The following ADAMTSL1 variants were observed in gnomAD, a reference collection of about 807,000 sequenced individuals.
ADAMTSL1 encodes ADAMTS like 1, also known as ADAMTS-like protein 1.
In ADAMTSL1, 126 loss-of-function variants were observed where a neutral mutation model predicts 201.8. The ratio of observed to expected loss-of-function variants is 0.62; its 90% CI spans 0.54 to 0.72. The LOEUF is 0.72. Ranked by LOEUF, ADAMTSL1 falls within the 30% of genes least tolerant of loss-of-function variation. ADAMTSL1 has a pLI of 0.00. For synonymous variants in ADAMTSL1, 1,121 were observed against 903.4 expected (o/e 1.24, Z -4.32); for missense variants, 2,679 against 2,277.8 (o/e 1.18, Z -3.59).
chr9:18,011,489 G>T (rs1287687723), intron 1 of ADAMTSL1, among the ~76,000 whole-genome samples: 4 of 151,964 alleles, frequency 2.6e-5, no homozygotes, highest in Non-Finnish European at 5.9e-5. Flanking sequence ...AACCGCCCCA[G>T]CACTGATGCT....
intron 2 of ADAMTSL1, among the ~76,000 whole-genome samples, chr9:18,225,637 G>T (rs946730427): frequency 6.6e-6 from 1 of 151,966 alleles, no homozygotes; most frequent in African/African-American, 2.4e-5. Flanking sequence ...ATAACCTTCA[G>T]TTATTCGCAT....
At chr9:18,395,480 ATTC>A (rs1295851268) in intron 2 of ADAMTSL1, among the ~76,000 whole-genome samples, 1 of 152,172 alleles carries the variant, frequency 6.6e-6, no homozygotes, top group Non-Finnish European at 1.5e-5. Flanking sequence ...GACTCTACCT[ATTC>A]TTCTCCAAAG....
chr9:18,808,629 A>G (rs1823305905), intron 20 of ADAMTSL1, among the ~76,000 whole-genome samples: 2 of 152,226 alleles, frequency 1.3e-5, no homozygotes, highest in African/African-American at 4.8e-5. Context: ...TTGTGACTCT[A>G]AAGCTCTCTG....
At chr9:18,341,690 C>T (rs1835468263) in intron 2 of ADAMTSL1, among the ~76,000 whole-genome samples, 1 of 152,092 alleles carries the variant, frequency 6.6e-6, no homozygotes, top group East Asian at 1.9e-4. Flanking sequence ...GAAATTAAGT[C>T]AGTAAAACTT....
intron 15 of ADAMTSL1, among the ~76,000 whole-genome samples, chr9:18,732,973 C>G (rs534247130): frequency 6.7e-4 from 102 of 152,332 alleles, no homozygotes; most frequent in African/African-American, 2.4e-3. Context: ...AACTTTACAG[C>G]TGAGGAAACA....
intron 2 of ADAMTSL1, among the ~76,000 whole-genome samples, chr9:18,390,808 A>C (rs565751034): frequency 6.7e-6 from 1 of 150,170 alleles, no homozygotes; most frequent in Non-Finnish European, 1.5e-5. Flanking sequence ...AAAACAAAAC[A>C]AAAAAAAACA....
At chr9:18,160,936 C>A (rs1025350171) in intron 1 of ADAMTSL1, among the ~76,000 whole-genome samples, 2 of 151,056 alleles carry the variant, frequency 1.3e-5, no homozygotes, top group African/African-American at 4.9e-5. Flanking sequence ...ATTCCTCGTG[C>A]CTCAGCCTCT....
chr9:18,025,030 A>AT (rs1247207109), intron 1 of ADAMTSL1, among the ~76,000 whole-genome samples: 1 of 151,868 alleles, frequency 6.6e-6, no homozygotes, highest in Non-Finnish European at 1.5e-5. Context: ...AATGTGGAGC[A>AT]TTTTTTCATA....
intron 2 of ADAMTSL1, among the ~76,000 whole-genome samples, chr9:18,395,602 T>C (rs1817723305): frequency 6.6e-6 from 1 of 152,206 alleles, no homozygotes; most frequent in Non-Finnish European, 1.5e-5. Context: ...AGAGTCAGTA[T>C]AGAATCTGTT....
intron 1 of ADAMTSL1, among the ~76,000 whole-genome samples, chr9:18,094,736 T>G (rs10963444): frequency 0.039 from 5,945 of 152,016 alleles, 442 homozygotes; most frequent in East Asian, 0.38. Context: ...AATTTTTTTT[T>G]TTTGTATTTT....
intron 2 of ADAMTSL1, among the ~76,000 whole-genome samples, chr9:18,290,407 T>C (rs1833204372): frequency 6.6e-6 from 1 of 152,006 alleles, no homozygotes; most frequent in Admixed American, 6.6e-5. Context: ...CAATGTGAGT[T>C]CACCATAGAT....
At chr9:18,352,511 C>A (rs923272626) in intron 2 of ADAMTSL1, among the ~76,000 whole-genome samples, 1 of 152,210 alleles carries the variant, frequency 6.6e-6, no homozygotes, top group Non-Finnish European at 1.5e-5. Context: ...TGCATGTCTT[C>A]TCTCTGGACA....
chr9:18,430,813 A>G (rs2133402273), intron 2 of ADAMTSL1, among the ~76,000 whole-genome samples: 1 of 152,354 alleles, frequency 6.6e-6, no homozygotes, highest in South Asian at 2.1e-4. Flanking sequence ...AGAGGGGCAG[A>G]AAGTTGAGGC....
At position 17,977,841 on chromosome 9, in the gene ADAMTSL1, A is replaced by G. The variant is rs146829535; in HGVS notation, c.87+70919A>G. Among the ~76,000 whole-genome samples, 490 of 152,176 alleles carry G rather than the reference A, an allele frequency of 3.2e-3. 3 individuals are homozygous for G. Among genetic ancestry groups the G allele is most frequent in the African/African-American group, 0.011 (471 of 41,566 alleles). ...TGTTCTATATTAATCTGTTAGGTCT[A>G]TTTGGTCTAAAGCATAGTTCAAATC... On this transcript the variant is annotated intron_variant, in intron 1 of 29. Transcript: ENST00000680146.
intron 2 of ADAMTSL1, among the ~76,000 whole-genome samples, chr9:18,457,045 G>T (rs1342386771): frequency 6.6e-6 from 1 of 152,082 alleles, no homozygotes; most frequent in Non-Finnish European, 1.5e-5. Context: ...TGTTTTGAAA[G>T]AAACTGTTTC....
At chr9:18,770,927 T>C in intron 17 of ADAMTSL1, 146 bp downstream of exon 17, 1 of 881,512 alleles carries the variant, frequency 1.1e-6, no homozygotes, top group Non-Finnish European at 1.7e-6. Context: ...TATACCGTAG[T>C]GTGTAACTAG....
intron 4 of ADAMTSL1, among the ~76,000 whole-genome samples, chr9:18,595,156 C>A (rs1352544962): frequency 1.3e-5 from 2 of 152,086 alleles, no homozygotes; most frequent in African/African-American, 4.8e-5. Flanking sequence ...GGAATGCTGG[C>A]CAAGGAACTG....
intron 2 of ADAMTSL1, among the ~76,000 whole-genome samples, chr9:18,314,865 C>T (rs1455406090): frequency 3.9e-5 from 5 of 129,040 alleles, no homozygotes; most frequent in African/African-American, 5.8e-5. Flanking sequence ...GGCGCGATCT[C>T]GGCTCACTGC....
chr9:18,103,560 C>T (rs1015549157), intron 1 of ADAMTSL1, among the ~76,000 whole-genome samples: 6 of 152,064 alleles, frequency 3.9e-5, no homozygotes, highest in Non-Finnish European at 2.9e-5. Flanking sequence ...AGCAAGTGGG[C>T]AATACAGGAT....
Sources: allele counts gnomAD v4.1 joint callset (sites outside exome capture counted in the v4.1 genomes callset), GRCh38; gene constraint gnomAD v4.1.1; transcripts MANE v1.5; gene names NCBI Gene and HGNC (gene_info 2026-07-23, HGNC 2026-07-21).